The following TLN2 variants were observed in gnomAD, a reference collection of about 807,000 sequenced individuals.
TLN2 encodes the protein talin-2.
Under a neutral mutation model 294.7 loss-of-function variants are expected in TLN2, and 118 were observed. The ratio of observed to expected loss-of-function variants is 0.40; its 90% CI spans 0.34 to 0.47. The LOEUF (loss-of-function observed/expected upper bound fraction) is 0.47. Among genes scored for constraint, TLN2 ranks in the 20% least tolerant of loss-of-function variants. The pLI is 0.84. For missense variants in TLN2, 3,083 were observed against 3,282.2 expected (o/e 0.94, Z 1.48); for synonymous variants, 1,431 against 1,304.5 (o/e 1.10, Z -2.09).
At chr15:62,726,127 G>A (rs1245604199) in intron 27 of TLN2, among the ~76,000 whole-genome samples, 1 of 152,042 alleles carries the variant, frequency 6.6e-6, no homozygotes, top group Non-Finnish European at 1.5e-5. Flanking sequence ...CCCAGGGAGT[G>A]CAAGAGAGGC....
intron 1 of TLN2, among the ~76,000 whole-genome samples, chr15:62,442,148 T>A (rs1443625805): frequency 6.6e-6 from 1 of 151,988 alleles, no homozygotes; most frequent in Non-Finnish European, 1.5e-5. Flanking sequence ...CTTGTGGAAC[T>A]GAGCCCGCCA....
chr15:62,539,076 A>T (rs1422849631), intron 1 of TLN2, among the ~76,000 whole-genome samples: 1 of 152,164 alleles, frequency 6.6e-6, no homozygotes, highest in Non-Finnish European at 1.5e-5. Flanking sequence ...CCACAGCAAA[A>T]ACCATAGCTT....
chr15:62,740,404 G>A (rs2061260689), intron 31 of TLN2: 1 of 504,344 alleles, frequency 2.0e-6, no homozygotes, highest in Non-Finnish European at 3.5e-6. Flanking sequence ...CCCACTTGGG[G>A]ATGGATTTCT....
chr15:62,432,138 A>G (rs939228809), intron 1 of TLN2, among the ~76,000 whole-genome samples: 1 of 151,996 alleles, frequency 6.6e-6, no homozygotes, highest in African/African-American at 2.4e-5. Context: ...AAATTTTTTT[A>G]CTTTTTATTA....
intron 34 of TLN2, 47 bp from the exon 35 acceptor site, chr15:62,752,258 T>G: frequency 6.2e-7 from 1 of 1,606,872 alleles, no homozygotes; most frequent in Non-Finnish European, 8.5e-7. Flanking sequence ...ACCCCTTGGT[T>G]TGAGGCAATG....
At chr15:62,712,823 G>A (rs959021151) in intron 22 of TLN2, among the ~76,000 whole-genome samples, 10 of 152,012 alleles carry the variant, frequency 6.6e-5, no homozygotes, top group African/African-American at 1.7e-4. Context: ...AATGAATAAG[G>A]CTATATTTTT....
intron 3 of TLN2, among the ~76,000 whole-genome samples, chr15:62,646,231 C>G (rs1237890482): frequency 1.3e-5 from 2 of 151,736 alleles, no homozygotes; most frequent in African/African-American, 4.8e-5. Flanking sequence ...GGCATGATCT[C>G]AGCTCACTGC....
At chr15:62,746,618 A>T (rs1447766795) in intron 32 of TLN2, among the ~76,000 whole-genome samples, 1 of 152,198 alleles carries the variant, frequency 6.6e-6, no homozygotes, top group Non-Finnish European at 1.5e-5. Context: ...GTCTAATTTG[A>T]TATTCTGTGG....
chr15:62,514,442 C>T (rs146340267), intron 1 of TLN2, among the ~76,000 whole-genome samples: 1 of 152,186 alleles, frequency 6.6e-6, no homozygotes, highest in East Asian at 1.9e-4. Flanking sequence ...GCTTTTTTCC[C>T]CTCTCAAAGG....
At chr15:62,618,062 G>T (rs534642309) in intron 2 of TLN2, among the ~76,000 whole-genome samples, 1 of 150,936 alleles carries the variant, frequency 6.6e-6, no homozygotes, top group African/African-American at 2.4e-5. Flanking sequence ...GCCTCTCAAC[G>T]TGTTGAGATT....
chr15:62,719,128 C>T (rs1378263958), intron 24 of TLN2, among the ~76,000 whole-genome samples: 1 of 152,132 alleles, frequency 6.6e-6, no homozygotes, highest in Non-Finnish European at 1.5e-5. Flanking sequence ...GAAACAGGGA[C>T]AGAACACAGA....
Position 62,527,735 on chromosome 15 carries a change from G to T in TLN2, c.-237-61952G>T, listed in dbSNP as rs71393104. On this transcript the variant is annotated intron_variant, in intron 1 of 58. Coordinates refer to ENST00000636159, the MANE Select transcript of TLN2 (RefSeq NM_015059.3). ...TTTCAATTCCAGGGCTGGGCTTTTA[G>T]CTGGTGGGTCTTATCCACTGCCAGC... is the stretch of plus-strand genomic sequence containing the variant. 1.2e-3 allele frequency among the ~76,000 whole-genome samples: 188 copies of T among 152,314 alleles called. 1 individual carries two copies. The highest frequency in any genetic ancestry group is 1.4e-3 in the Admixed American group (22 of 15,298).
At chr15:62,513,209 C>A (rs2040019846) in intron 1 of TLN2, among the ~76,000 whole-genome samples, 1 of 152,136 alleles carries the variant, frequency 6.6e-6, no homozygotes, top group South Asian at 2.1e-4. Flanking sequence ...CATGGTCCAG[C>A]CACAGCCCCC....
chr15:62,836,635 G>A (rs865881230), intron 57 of TLN2, among the ~76,000 whole-genome samples: 36 of 150,982 alleles, frequency 2.4e-4, no homozygotes, highest in Admixed American at 1.2e-3. Flanking sequence ...CCAGAGCCCA[G>A]AGAACATGTT....
At chr15:62,599,653 C>T (rs1250950463) in intron 2 of TLN2, among the ~76,000 whole-genome samples, 2 of 152,164 alleles carry the variant, frequency 1.3e-5, no homozygotes, top group Non-Finnish European at 2.9e-5. Context: ...CAGATATGTT[C>T]TATATTCTTC....
Position 62,776,826 on chromosome 15 carries a change from C to T in TLN2, c.5430C>T (p.Asp1810=), listed in dbSNP as rs113320595. 697 of 1,601,394 alleles carry T rather than the reference C, an allele frequency of 4.4e-4. 2 individuals carry two copies. In the African/African-American group the frequency reaches 8.0e-3, roughly 18 times the overall value. Residue 1810 remains aspartate (D), a synonymous_variant, in exon 43 of 59, where the codon GAC becomes GAT. Transcript: ENST00000636159. The part of the protein sequence containing the change: ...AAQLMKEAVD[D]IMVTLNEAAS... ...AGTTGATGAAGGAAGCCGTGGATGA[C>T]ATCATGGTGACGCTGAACGAAGCTG... is the stretch of plus-strand genomic sequence containing the variant.
intron 1 of TLN2, among the ~76,000 whole-genome samples, chr15:62,531,196 A>C (rs2041024488): frequency 1.3e-5 from 2 of 152,248 alleles, no homozygotes; most frequent in Admixed American, 1.3e-4. Context: ...ACAGATGAAT[A>C]GATAAAGAAA....
intron 2 of TLN2, among the ~76,000 whole-genome samples, chr15:62,602,982 T>C (rs1258169719): frequency 6.6e-6 from 1 of 151,924 alleles, no homozygotes; most frequent in Non-Finnish European, 1.5e-5. Context: ...AAACTCTGCC[T>C]CCCAGGTTCA....
chr15:62,830,518 C>G (rs1315012782), intron 54 of TLN2: 1 of 152,186 alleles, frequency 6.6e-6, no homozygotes, highest in Non-Finnish European at 1.5e-5. Flanking sequence ...TGTGTCCTTC[C>G]TACCTTCTCC....
Sources: allele counts gnomAD v4.1 joint callset (sites outside exome capture counted in the v4.1 genomes callset), GRCh38; gene constraint gnomAD v4.1.1; transcripts MANE v1.5; gene names NCBI Gene and HGNC (gene_info 2026-07-23, HGNC 2026-07-21).